NELL1: variants seen among roughly 807,000 people sequenced by gnomAD.
The protein encoded by NELL1 is neural EGFL like 1, also known as protein kinase C-binding protein NELL1.
In NELL1, 76 loss-of-function variants were observed where a neutral mutation model predicts 107.4. The observed-to-expected ratio is 0.71, with a 90% CI of 0.59 to 0.86. NELL1 has a LOEUF of 0.86. Ranked by LOEUF, NELL1 falls within the 40% of genes least tolerant of loss-of-function variation. The pLI is 0.00. For missense variants in NELL1, 1,024 were observed against 1,005.5 expected, an observed-to-expected ratio of 1.02 and a Z score of -0.25; for synonymous variants, 353 against 341.2, an observed-to-expected ratio of 1.03 and a Z score of -0.38.
At chr11:21,011,342 A>C (rs1852441942) in intron 12 of NELL1, among the ~76,000 whole-genome samples, 2 of 152,110 alleles carry the variant, frequency 1.3e-5, no homozygotes, top group South Asian at 4.1e-4. Flanking sequence ...TTAGGGGTGC[A>C]AAATATTTAT....
intron 7 of NELL1, among the ~76,000 whole-genome samples, chr11:20,920,818 C>A (rs980990694): frequency 2.0e-5 from 3 of 151,966 alleles, no homozygotes; most frequent in African/African-American, 4.8e-5. Context: ...GCTCTATTCT[C>A]AAAACGTTAT....
At chr11:20,672,715 A>G (rs1048169917) in intron 1 of NELL1, among the ~76,000 whole-genome samples, 3 of 152,140 alleles carry the variant, frequency 2.0e-5, no homozygotes, top group Non-Finnish European at 4.4e-5. Flanking sequence ...AATAATTGAA[A>G]ACTCAATAAT....
At chr11:20,758,045 T>A (rs1458172355) in intron 2 of NELL1, among the ~76,000 whole-genome samples, 1 of 152,212 alleles carries the variant, frequency 6.6e-6, no homozygotes, top group African/African-American at 2.4e-5. Context: ...CCAAGCTCCC[T>A]GGTCTCTTCT....
chr11:20,739,894 A>G (rs1429687434), intron 2 of NELL1, among the ~76,000 whole-genome samples: 1 of 152,236 alleles, frequency 6.6e-6, no homozygotes, highest in Non-Finnish European at 1.5e-5. Context: ...AACAAAACAA[A>G]GAGACAATAA....
chr11:21,179,931 C>G (rs1050054294), intron 13 of NELL1, among the ~76,000 whole-genome samples: 2 of 115,948 alleles, frequency 1.7e-5, no homozygotes, highest in African/African-American at 6.9e-5. Context: ...ATAGGTCATA[C>G]TGTCTGGGTA....
chr11:21,385,363 C>T (rs1851719474), intron 15 of NELL1, among the ~76,000 whole-genome samples: 1 of 151,820 alleles, frequency 6.6e-6, no homozygotes, highest in Non-Finnish European at 1.5e-5. Flanking sequence ...GTCTCTAAAG[C>T]CACAATACTG....
intron 13 of NELL1, among the ~76,000 whole-genome samples, chr11:21,163,533 T>C (rs1856417998): frequency 6.6e-6 from 1 of 152,156 alleles, no homozygotes; most frequent in Non-Finnish European, 1.5e-5. Flanking sequence ...TAACTATATT[T>C]GGAGATACAG....
chr11:21,462,334 A>T (rs1853919647), intron 15 of NELL1, among the ~76,000 whole-genome samples: 1 of 152,140 alleles, frequency 6.6e-6, no homozygotes, highest in Non-Finnish European at 1.5e-5. Context: ...ACCAATGGGC[A>T]GTGCTTGCTC....
At chr11:21,199,180 C>A (rs897604811) in intron 13 of NELL1, among the ~76,000 whole-genome samples, 1 of 152,060 alleles carries the variant, frequency 6.6e-6, no homozygotes, top group African/African-American at 2.4e-5. Flanking sequence ...TTCTTTTATT[C>A]TTCCTCTTCA....
At chr11:21,348,045 A>T (rs1850722449) in intron 14 of NELL1, among the ~76,000 whole-genome samples, 1 of 152,210 alleles carries the variant, frequency 6.6e-6, no homozygotes, top group Non-Finnish European at 1.5e-5. Flanking sequence ...TTGTGACCTG[A>T]TGTGGCTAGA....
rs76236494 is a variant in NELL1, at chr11:20,881,758, G to A, written c.507-3686G>A. ...GCTTCCAGGAAACATTGAATTTAAT[G>A]CATTGAATTATAAGGTGTGTCCATG... On this transcript the variant is annotated intron_variant, in intron 4 of 19. Transcript: ENST00000357134. 1.8e-3 allele frequency among the ~76,000 whole-genome samples: 265 copies of A among 151,280 alleles called. 1 individual carries two copies. The highest frequency in any genetic ancestry group is 6.1e-3 in the African/African-American group (252 of 41,072).
chr11:21,559,512 G>A (rs1226568156), intron 16 of NELL1, among the ~76,000 whole-genome samples: 4 of 152,020 alleles, frequency 2.6e-5, no homozygotes, highest in Admixed American at 6.6e-5. Flanking sequence ...TAAAGAGCAG[G>A]ACAATATATT....
chr11:20,730,554 G>A (rs145275328), intron 2 of NELL1, among the ~76,000 whole-genome samples: 1 of 152,110 alleles, frequency 6.6e-6, no homozygotes, highest in Non-Finnish European at 1.5e-5. Flanking sequence ...CACACCTTGG[G>A]CTTGGCTCAT....
At chr11:21,114,439 G>T (rs1387481536) in intron 13 of NELL1, among the ~76,000 whole-genome samples, 1 of 151,962 alleles carries the variant, frequency 6.6e-6, no homozygotes, top group Non-Finnish European at 1.5e-5. Flanking sequence ...TTGAACCCAA[G>T]ATTTCAATCA....
intron 15 of NELL1, among the ~76,000 whole-genome samples, chr11:21,382,718 G>A (rs750972587): frequency 2.0e-5 from 3 of 151,804 alleles, no homozygotes; most frequent in Non-Finnish European, 4.4e-5. Context: ...AAATAGATTG[G>A]CATTCTCTGT....
chr11:21,134,763 TTAAA>T (rs1303128971), intron 13 of NELL1, among the ~76,000 whole-genome samples: 17 of 152,266 alleles, frequency 1.1e-4, no homozygotes, highest in Non-Finnish European at 2.4e-4. Flanking sequence ...CAGTAATCTA[TTAAA>T]TAGAGCGTGC....
intron 13 of NELL1, among the ~76,000 whole-genome samples, chr11:21,229,100 C>T (rs1015399456): frequency 5.9e-5 from 9 of 152,042 alleles, no homozygotes; most frequent in Non-Finnish European, 7.4e-5. Flanking sequence ...AATTGTGTGA[C>T]GGACAGGAGT....
At chr11:20,878,815 A>G (rs1212389625) in intron 4 of NELL1, among the ~76,000 whole-genome samples, 1 of 152,164 alleles carries the variant, frequency 6.6e-6, no homozygotes, top group South Asian at 2.1e-4. Flanking sequence ...ACTTTCATTC[A>G]TTTATTCATT....
At chr11:21,129,689 T>C (rs1855571104) in intron 13 of NELL1, among the ~76,000 whole-genome samples, 1 of 152,188 alleles carries the variant, frequency 6.6e-6, no homozygotes, top group South Asian at 2.1e-4. Context: ...TCCACTTATA[T>C]GAAGTACCTG....
Sources: gnomAD v4.1 joint callset for allele counts (sites outside exome capture counted in the v4.1 genomes callset) on GRCh38, gnomAD v4.1.1 for gene constraint, MANE v1.5 for transcripts, NCBI Gene and HGNC (gene_info 2026-07-23, HGNC 2026-07-21) for gene names.